Variants in IMMP2L observed in about 807,000 individuals in gnomAD.
IMMP2L encodes the protein mitochondrial inner membrane protease subunit 2.
Under a neutral mutation model 19.3 loss-of-function variants are expected in IMMP2L, and 18 were observed. That is an observed-to-expected ratio of 0.93 (90% CI 0.64 to 1.38). The LOEUF is 1.38. IMMP2L is among the 40% of genes most tolerant of loss of function. The pLI is 0.00. For synonymous variants in IMMP2L, 76 were observed against 73.0 expected (o/e 1.04, Z -0.21); for missense variants, 233 against 218.2 (o/e 1.07, Z -0.43).
chr7:111,020,685 C>A (rs1363484245), intron 3 of IMMP2L, among the ~76,000 whole-genome samples: 1 of 151,794 alleles, frequency 6.6e-6, no homozygotes, highest in Non-Finnish European at 1.5e-5. Context: ...TCACTTGAGC[C>A]CAGAAGGGCA....
chr7:111,147,855 A>G (rs141983785), intron 3 of IMMP2L, among the ~76,000 whole-genome samples: 4 of 152,288 alleles, frequency 2.6e-5, no homozygotes, highest in African/African-American at 7.2e-5. Flanking sequence ...GCAATGTTCC[A>G]AGAAGAATTT....
At chr7:111,205,651 T>A (rs982393197) in intron 3 of IMMP2L, among the ~76,000 whole-genome samples, 2 of 151,892 alleles carry the variant, frequency 1.3e-5, no homozygotes, top group Non-Finnish European at 2.9e-5. Flanking sequence ...TAAAAATTAA[T>A]AATAACAAAA....
At chr7:110,843,225 C>G (rs1805287066) in intron 5 of IMMP2L, among the ~76,000 whole-genome samples, 1 of 152,084 alleles carries the variant, frequency 6.6e-6, no homozygotes, top group African/African-American at 2.4e-5. Flanking sequence ...TGCCCACTGC[C>G]AATTATCTTG....
At chr7:111,442,636 T>G (rs1274339105) in intron 3 of IMMP2L, among the ~76,000 whole-genome samples, 1 of 151,750 alleles carries the variant, frequency 6.6e-6, no homozygotes, top group Admixed American at 6.6e-5. Context: ...TATGTCTGTA[T>G]AGGTACCTCA....
chr7:111,103,075 T>G (rs552817655), intron 3 of IMMP2L, among the ~76,000 whole-genome samples: 1 of 151,642 alleles, frequency 6.6e-6, no homozygotes, highest in African/African-American at 2.4e-5. Flanking sequence ...TCTCTCTTAT[T>G]TGTACTCTAA....
At chr7:110,869,077 C>T (rs535410240) in intron 5 of IMMP2L, among the ~76,000 whole-genome samples, 1 of 152,158 alleles carries the variant, frequency 6.6e-6, no homozygotes, top group Admixed American at 6.6e-5. Context: ...ATAGTTTCTT[C>T]AGCTTTTACT....
intron 3 of IMMP2L, among the ~76,000 whole-genome samples, chr7:111,341,451 G>T (rs1827000616): frequency 6.6e-6 from 1 of 151,996 alleles, no homozygotes; most frequent in South Asian, 2.1e-4. Flanking sequence ...ATATGAATTT[G>T]TACGTGTATA....
chr7:111,049,288 G>A (rs1031035381), intron 3 of IMMP2L, among the ~76,000 whole-genome samples: 2 of 151,416 alleles, frequency 1.3e-5, no homozygotes, highest in Admixed American at 1.3e-4. Context: ...CCGCCACTAC[G>A]CCCGGCTAAT....
At chr7:111,040,011 A>G (rs1264310371) in intron 3 of IMMP2L, among the ~76,000 whole-genome samples, 3 of 152,176 alleles carry the variant, frequency 2.0e-5, no homozygotes, top group Non-Finnish European at 4.4e-5. Flanking sequence ...CTAAAAATAC[A>G]AAAATTAGCT....
chr7:110,824,638 T>G (rs1803304196), intron 5 of IMMP2L, among the ~76,000 whole-genome samples: 1 of 152,046 alleles, frequency 6.6e-6, no homozygotes, highest in Admixed American at 6.6e-5. Flanking sequence ...AAAGTGCTGA[T>G]ATTACAGGGA....
intron 5 of IMMP2L, among the ~76,000 whole-genome samples, chr7:110,839,821 A>G (rs1240233624): frequency 1.3e-5 from 2 of 152,136 alleles, no homozygotes; most frequent in African/African-American, 4.8e-5. Flanking sequence ...GATATATTTT[A>G]GTAAATTAGA....
intron 3 of IMMP2L, among the ~76,000 whole-genome samples, chr7:111,292,779 C>T (rs1025584108): frequency 3.3e-5 from 5 of 151,938 alleles, no homozygotes; most frequent in Non-Finnish European, 5.9e-5. Flanking sequence ...CCAGGGTTAT[C>T]ATGAAAAATG....
At chr7:111,083,813 A>AT (rs1375633149) in intron 3 of IMMP2L, among the ~76,000 whole-genome samples, 1 of 152,238 alleles carries the variant, frequency 6.6e-6, no homozygotes, top group African/African-American at 2.4e-5. Context: ...TTCAGCATAC[A>AT]TAATTTCTGC....
At chr7:111,407,283 C>T (rs1833980220) in intron 3 of IMMP2L, among the ~76,000 whole-genome samples, 1 of 151,938 alleles carries the variant, frequency 6.6e-6, no homozygotes, top group Admixed American at 6.6e-5. Flanking sequence ...AAATATATCA[C>T]ACAACTCAGC....
At chr7:111,134,206 T>C (rs1371875982) in intron 3 of IMMP2L, among the ~76,000 whole-genome samples, 1 of 152,028 alleles carries the variant, frequency 6.6e-6, no homozygotes, top group Non-Finnish European at 1.5e-5. Flanking sequence ...CCAAAAAAAG[T>C]ACTGTGTCTA....
At chr7:111,508,091 G>C (rs531333416) in intron 2 of IMMP2L, among the ~76,000 whole-genome samples, 4 of 151,896 alleles carry the variant, frequency 2.6e-5, no homozygotes, top group Non-Finnish European at 4.4e-5. Context: ...TAAATGAATG[G>C]GCCATCCATT....
chr7:111,407,405 A>G (rs958810213), intron 3 of IMMP2L, among the ~76,000 whole-genome samples: 1 of 152,058 alleles, frequency 6.6e-6, no homozygotes, highest in African/African-American at 2.4e-5. Flanking sequence ...ACACAACATA[A>G]AAGTCTAGCA....
intron 5 of IMMP2L, among the ~76,000 whole-genome samples, chr7:110,806,797 A>G (rs1249781142): frequency 6.6e-6 from 1 of 151,982 alleles, no homozygotes; most frequent in African/African-American, 2.4e-5. Context: ...CATAGTCAGA[A>G]AAGGTGATAT....
intron 3 of IMMP2L, among the ~76,000 whole-genome samples, chr7:111,077,029 AG>A (rs1326304926): frequency 6.6e-6 from 1 of 152,256 alleles, no homozygotes; most frequent in East Asian, 1.9e-4. Context: ...AGGTGGAATC[AG>A]GAAAATCTTA....
Sources: allele counts gnomAD v4.1 joint callset (sites outside exome capture counted in the v4.1 genomes callset), GRCh38; gene constraint gnomAD v4.1.1; transcripts MANE v1.5; gene names NCBI Gene and HGNC (gene_info 2026-07-23, HGNC 2026-07-21).